Variants in GPC6 observed in about 807,000 individuals in gnomAD.
GPC6 encodes glypican-6.
A neutral mutation model predicts 55.2 loss-of-function variants in GPC6; 14 were observed. The ratio of observed to expected loss-of-function variants is 0.25; its 90% CI spans 0.17 to 0.40. The LOEUF is 0.40. Ranked by LOEUF, GPC6 falls within the 10% of genes least tolerant of loss-of-function variation. The pLI is 1.00. For missense variants in GPC6, 641 were observed against 708.5 expected (o/e 0.90, Z 1.08); for synonymous variants, 278 against 259.6 (o/e 1.07, Z -0.68).
Position 94,071,254 on chromosome 13 carries a change from G to A in GPC6, c.877+43360G>A, listed in dbSNP as rs181542650. Among the ~76,000 whole-genome samples the A allele has an allele frequency of 6.4e-3, 967 of 152,274 alleles. 7 individuals carry two copies. The highest frequency in any genetic ancestry group is 9.2e-3 in the Non-Finnish European group (628 of 68,012). ...ATTTCAATGATGAATAGTCTTTCGT[G>A]TAGAGGGTTTTTAAAATTAACTGAA... On this transcript the variant is annotated intron_variant, in intron 4 of 8. Coordinates refer to ENST00000377047, the MANE Select transcript of GPC6 (RefSeq NM_005708.5).
At chr13:94,129,454 A>G (rs1161251025) in intron 4 of GPC6, among the ~76,000 whole-genome samples, 1 of 151,998 alleles carries the variant, frequency 6.6e-6, no homozygotes, top group East Asian at 1.9e-4. Flanking sequence ...TCCTCACTCC[A>G]TTTCCTTTCC....
chr13:93,333,522 T>TGC (rs924976733), intron 1 of GPC6, among the ~76,000 whole-genome samples: 1 of 149,798 alleles, frequency 6.7e-6, no homozygotes, highest in African/African-American at 2.5e-5. Context: ...CATATAAAAA[T>TGC]GCTATTGAAT....
intron 1 of GPC6, among the ~76,000 whole-genome samples, chr13:93,265,072 CAT>C (rs1340821299): frequency 6.6e-6 from 1 of 152,156 alleles, no homozygotes; most frequent in Non-Finnish European, 1.5e-5. Flanking sequence ...AGACGCCAAA[CAT>C]ATGGCCATAG....
At chr13:94,103,041 A>C (rs1181897294) in intron 4 of GPC6, among the ~76,000 whole-genome samples, 1 of 151,884 alleles carries the variant, frequency 6.6e-6, no homozygotes, top group African/African-American at 2.4e-5. Flanking sequence ...ACCCACTCCC[A>C]CCATCCCACA....
At chr13:93,755,686 G>T (rs1884743128) in intron 2 of GPC6, among the ~76,000 whole-genome samples, 1 of 152,174 alleles carries the variant, frequency 6.6e-6, no homozygotes, top group South Asian at 2.1e-4. Flanking sequence ...AACCTGTGAA[G>T]GTTCATTTGC....
chr13:93,820,734 A>T (rs1002353363), intron 2 of GPC6, among the ~76,000 whole-genome samples: 3 of 150,198 alleles, frequency 2.0e-5, no homozygotes, highest in African/African-American at 7.3e-5. Context: ...TTACTGTGAG[A>T]TTTTTTTAAG....
intron 3 of GPC6, among the ~76,000 whole-genome samples, chr13:93,884,560 T>G (rs181386719): frequency 8.7e-4 from 132 of 152,240 alleles, no homozygotes; most frequent in African/African-American, 3.2e-3. Context: ...TTTTTAGAGA[T>G]TTATTTATTT....
chr13:93,816,268 A>C (rs1236876973), intron 2 of GPC6, among the ~76,000 whole-genome samples: 1 of 152,158 alleles, frequency 6.6e-6, no homozygotes, highest in African/African-American at 2.4e-5. Context: ...AAAAGCATTC[A>C]TTACAATACC....
At chr13:94,020,490 A>G (rs1882654734) in intron 3 of GPC6, among the ~76,000 whole-genome samples, 1 of 152,022 alleles carries the variant, frequency 6.6e-6, no homozygotes, top group Non-Finnish European at 1.5e-5. Context: ...TGAAAAGTTG[A>G]TTCTGTCATG....
intron 2 of GPC6, among the ~76,000 whole-genome samples, chr13:93,564,714 T>C (rs981776332): frequency 6.6e-6 from 1 of 152,092 alleles, no homozygotes; most frequent in African/African-American, 2.4e-5. Flanking sequence ...ACTGTGACAT[T>C]TGGATGTTGC....
intron 1 of GPC6, among the ~76,000 whole-genome samples, chr13:93,400,215 CT>C (rs530824863): frequency 1.8e-3 from 278 of 152,136 alleles, no homozygotes; most frequent in Non-Finnish European, 2.7e-3. Context: ...TCTTCCCTTC[CT>C]TTTTACCGTC....
intron 2 of GPC6, among the ~76,000 whole-genome samples, chr13:93,749,673 A>G (rs1884511605): frequency 6.6e-6 from 1 of 152,138 alleles, no homozygotes; most frequent in African/African-American, 2.4e-5. Context: ...TTCTATAATT[A>G]AAAGCAATAA....
chr13:94,027,357 C>G (rs1594677024), intron 3 of GPC6, among the ~76,000 whole-genome samples: 1 of 152,094 alleles, frequency 6.6e-6, no homozygotes, highest in East Asian at 1.9e-4. Flanking sequence ...GAAACAGGGT[C>G]AAATAAGCAG....
chr13:93,765,665 C>T (rs569132995), intron 2 of GPC6, among the ~76,000 whole-genome samples: 103 of 152,260 alleles, frequency 6.8e-4, no homozygotes, highest in African/African-American at 2.4e-3. Flanking sequence ...CAAACATTCA[C>T]AGTGGTAAAT....
intron 5 of GPC6, among the ~76,000 whole-genome samples, chr13:94,296,110 C>A (rs1875319866): frequency 6.6e-6 from 1 of 152,156 alleles, no homozygotes; most frequent in Non-Finnish European, 1.5e-5. Flanking sequence ...GGGAAGCACA[C>A]CTTTTTTTAG....
intron 4 of GPC6, among the ~76,000 whole-genome samples, chr13:94,066,303 T>C (rs1426828541): frequency 6.6e-6 from 1 of 152,214 alleles, no homozygotes; most frequent in Non-Finnish European, 1.5e-5. Flanking sequence ...TATTCCTTAA[T>C]GTTAGTTCAT....
intron 1 of GPC6, among the ~76,000 whole-genome samples, chr13:93,305,132 A>G (rs951739736): frequency 1.3e-5 from 2 of 152,150 alleles, no homozygotes; most frequent in Non-Finnish European, 2.9e-5. Flanking sequence ...CATCAGACAC[A>G]CCTGGGGTCG....
intron 5 of GPC6, among the ~76,000 whole-genome samples, chr13:94,303,218 C>G (rs1875754303): frequency 6.6e-6 from 1 of 152,228 alleles, no homozygotes; most frequent in South Asian, 2.1e-4. Flanking sequence ...GAGGGTAGCC[C>G]TTGCTGGCTG....
chr13:93,520,335 A>G (rs888729093), intron 1 of GPC6, among the ~76,000 whole-genome samples: 4 of 151,962 alleles, frequency 2.6e-5, no homozygotes, highest in Admixed American at 1.3e-4. Context: ...TAGGCTTGTT[A>G]TTGACCATTA....
Sources: gnomAD v4.1 joint callset for allele counts (sites outside exome capture counted in the v4.1 genomes callset) on GRCh38, gnomAD v4.1.1 for gene constraint, MANE v1.5 for transcripts, NCBI Gene and HGNC (gene_info 2026-07-23, HGNC 2026-07-21) for gene names.